RGS21: variants seen among roughly 807,000 people sequenced by gnomAD.
The protein encoded by RGS21 is regulator of G protein signaling 21.
Under a neutral mutation model 18.7 loss-of-function variants are expected in RGS21, and 19 were observed. That is an observed-to-expected ratio of 1.01 (90% CI 0.71 to 1.49). The LOEUF (loss-of-function observed/expected upper bound fraction) is 1.49, where lower values mean the gene tolerates loss of function less well. Among genes scored for constraint, RGS21 ranks in the 40% most tolerant of loss-of-function variants. The probability of loss-of-function intolerance (pLI) is 0.00; values close to 1 mark genes in which losing one functional copy is unlikely to be tolerated. For synonymous variants in RGS21, 56 were observed against 57.8 expected (o/e 0.97, Z 0.14); for missense variants, 194 against 176.8 (o/e 1.10, Z -0.55).
intron 1 of RGS21, among the ~76,000 whole-genome samples, chr1:192,322,230 C>A (rs1192873247): frequency 2.0e-5 from 3 of 150,968 alleles, no homozygotes; most frequent in African/African-American, 7.4e-5. Context: ...ATTCAAATAT[C>A]TAAAGTTCAT....
intron 3 of RGS21, among the ~76,000 whole-genome samples, chr1:192,349,131 G>T (rs1257089218): frequency 6.6e-6 from 1 of 152,086 alleles, no homozygotes; most frequent in Non-Finnish European, 1.5e-5. Flanking sequence ...TTTGCTAAAA[G>T]GCTTACTGAA....
intron 3 of RGS21, among the ~76,000 whole-genome samples, chr1:192,351,779 A>G (rs1344444696): frequency 2.0e-5 from 3 of 147,660 alleles, no homozygotes; most frequent in Non-Finnish European, 4.5e-5. Flanking sequence ...CATATATAAT[A>G]TATATAACAC....
chr1:192,335,169 A>G (rs1658749648), intron 1 of RGS21, among the ~76,000 whole-genome samples: 1 of 152,166 alleles, frequency 6.6e-6, no homozygotes, highest in African/African-American at 2.4e-5. Flanking sequence ...CATAATTTGA[A>G]ATTTTAAATC....
At chr1:192,362,097 T>C (rs890140569) in intron 4 of RGS21, among the ~76,000 whole-genome samples, 2 of 152,088 alleles carry the variant, frequency 1.3e-5, no homozygotes, top group African/African-American at 4.8e-5. Flanking sequence ...TGCATATCAA[T>C]AGGAAAAAGT....
At chr1:192,357,954 C>T (rs1353719882) in intron 4 of RGS21, among the ~76,000 whole-genome samples, 1 of 151,992 alleles carries the variant, frequency 6.6e-6, no homozygotes, top group Non-Finnish European at 1.5e-5. Context: ...AAACAAAAGG[C>T]TCAGGTGTTC....
At chr1:192,351,821 A>C (rs1659046459) in intron 3 of RGS21, among the ~76,000 whole-genome samples, 1 of 148,224 alleles carries the variant, frequency 6.7e-6, no homozygotes, top group African/African-American at 2.4e-5. Context: ...TATGTGCTAT[A>C]TATGTGTTAT....
At chr1:192,361,026 A>C (rs915071977) in intron 4 of RGS21, among the ~76,000 whole-genome samples, 1 of 152,144 alleles carries the variant, frequency 6.6e-6, no homozygotes, top group Admixed American at 6.6e-5. Context: ...ATTACTAAAA[A>C]TAAAGTAGAT....
intron 4 of RGS21, among the ~76,000 whole-genome samples, chr1:192,362,563 G>A (rs1277020944): frequency 1.3e-5 from 2 of 152,144 alleles, no homozygotes; most frequent in Admixed American, 6.6e-5. Context: ...CGAACATGGA[G>A]GTGTGATGTT....
intron 4 of RGS21, among the ~76,000 whole-genome samples, chr1:192,359,291 A>G (rs951187583): frequency 5.9e-5 from 9 of 152,168 alleles, no homozygotes; most frequent in African/African-American, 1.7e-4. Flanking sequence ...GTTAATTGAT[A>G]TAATGTTCAG....
chr1:192,345,551 T>C (rs7514892), intron 2 of RGS21, among the ~76,000 whole-genome samples: 44,067 of 151,906 alleles, frequency 0.29, 7,332 homozygotes, highest in African/African-American at 0.45. Flanking sequence ...GAAAATAACA[T>C]TTAGTCCTGT....
In RGS21 at chr1:192,366,420, A is replaced by C; in HGVS notation, c.*296A>C. 5.2e-6 allele frequency: 1 copy of C among 192,896 alleles called. No individual in the cohort carries two copies. The highest frequency in any genetic ancestry group is 1.1e-5 in the Non-Finnish European group (1 of 94,896). The allele number at this position is 192,896 out of a possible 1,614,324, so 11.9% of individuals were successfully genotyped here. A position where few individuals can be genotyped will look rare whatever the true frequency, so the allele number is the denominator to read the frequency against. On this transcript the variant is annotated 3_prime_UTR_variant, in exon 5 of 5. Coordinates refer to ENST00000417209, the MANE Select transcript of RGS21 (RefSeq NM_001039152.3). ...TATATTATAATGTAAGGAATTATAC[A>C]TATCTTCACGTGGCAGAATGAAAGA...
intron 1 of RGS21, among the ~76,000 whole-genome samples, chr1:192,317,895 A>C (rs1252605249): frequency 6.6e-6 from 1 of 152,008 alleles, no homozygotes; most frequent in Non-Finnish European, 1.5e-5. Flanking sequence ...GTAATTTCAT[A>C]AAATTTTTAG....
chr1:192,345,429 C>T (rs1011253841), intron 2 of RGS21, among the ~76,000 whole-genome samples: 1 of 151,944 alleles, frequency 6.6e-6, no homozygotes, highest in Non-Finnish European at 1.5e-5. Flanking sequence ...GGCCATTTAC[C>T]CTCTTCCATT....
Position 192,322,276 on chromosome 1 carries a change from C to T in RGS21, c.-61+5171C>T, listed in dbSNP as rs140601240. On this transcript the variant is annotated intron_variant, in intron 1 of 4. Transcript: ENST00000417209. Reference sequence around the variant, plus strand: ...GTGTCAGCAGAAAAAAAAATCCTATCATGGAAAGGATCAATCTAATCAATC... The same window carrying T: ...GTGTCAGCAGAAAAAAAAATCCTATTATGGAAAGGATCAATCTAATCAATC... 2.7e-3 allele frequency among the ~76,000 whole-genome samples: 414 copies of T among 152,130 alleles called. 3 individuals are homozygous for T. The highest frequency in any genetic ancestry group is 9.5e-3 in the African/African-American group (396 of 41,520).
intron 1 of RGS21, among the ~76,000 whole-genome samples, chr1:192,331,558 T>G (rs1378459889): frequency 6.7e-6 from 1 of 150,116 alleles, no homozygotes; most frequent in East Asian, 1.9e-4. Flanking sequence ...AATAAATAAA[T>G]AAATAAATAA....
chr1:192,359,768 T>TTC (rs527776555), intron 4 of RGS21, among the ~76,000 whole-genome samples: 12,255 of 140,054 alleles, frequency 0.088, 639 homozygotes, highest in African/African-American at 0.15. Context: ...ATATGTAACT[T>TTC]TCTCTCTCTC....
chr1:192,339,220 T>A (rs957367416), intron 1 of RGS21, among the ~76,000 whole-genome samples: 2 of 151,246 alleles, frequency 1.3e-5, no homozygotes, highest in African/African-American at 4.9e-5. Context: ...ATCGGCATTT[T>A]TTTTTAAAAA....
chr1:192,347,255 C>T, intron 2 of RGS21, 58 bp from the exon 3 acceptor site: 1 of 1,034,466 alleles, frequency 9.7e-7, no homozygotes, highest in South Asian at 1.4e-5. Flanking sequence ...ATACATGTAA[C>T]TCGAATATTA....
intron 1 of RGS21, among the ~76,000 whole-genome samples, chr1:192,335,546 A>G (rs533008593): frequency 6.6e-6 from 1 of 152,264 alleles, no homozygotes; most frequent in East Asian, 1.9e-4. Flanking sequence ...ATATAGTGCT[A>G]GGCACTATAC....
Sources: allele counts gnomAD v4.1 joint callset (sites outside exome capture counted in the v4.1 genomes callset), GRCh38; gene constraint gnomAD v4.1.1; transcripts MANE v1.5; gene names NCBI Gene and HGNC (gene_info 2026-07-23, HGNC 2026-07-21).